CDK12: variants seen among roughly 807,000 people sequenced by gnomAD.
The protein encoded by CDK12 is cyclin-dependent kinase 12.
CDK12 carries 17 observed loss-of-function variants against 133.8 expected under a neutral mutation model. That is an observed-to-expected ratio of 0.13 (90% CI 0.09 to 0.19). The LOEUF is 0.19. Ranked by LOEUF, CDK12 falls within the 10% of genes least tolerant of loss-of-function variation. The pLI is 1.00. For missense variants in CDK12, 1,508 were observed against 1,818.7 expected (o/e 0.83, Z 3.11); for synonymous variants, 694 against 683.6 (o/e 1.02, Z -0.24).
rs147657554 is a variant in CDK12, at chr17:39,532,461, CAA to C, written c.*1154_*1155del. ...ATTGTTTACACATATATTTTTATGTCAAAAAAAAAACAAAAACCTTTCAAACA... is the reference window on the plus strand; with the variant it reads ...ATTGTTTACACATATATTTTTATGTCAAAAAAAACAAAAACCTTTCAAACA... On this transcript the variant is annotated 3_prime_UTR_variant, in exon 14 of 14. Coordinates refer to ENST00000447079, the MANE Select transcript of CDK12 (RefSeq NM_016507.4). 2 of 208,434 alleles carry C rather than the reference CAA, an allele frequency of 9.6e-6. No homozygotes were observed. Among genetic ancestry groups the C allele is most frequent in the Non-Finnish European group, 1.9e-5 (2 of 106,016 alleles). The allele number at this position is 208,434 out of a possible 1,614,324, so 12.9% of individuals were successfully genotyped here.
chr17:39,523,676 C>G (rs2054317239), intron 11 of CDK12, among the ~76,000 whole-genome samples: 1 of 151,994 alleles, frequency 6.6e-6, no homozygotes, highest in Non-Finnish European at 1.5e-5. Flanking sequence ...TTTTTTGAGA[C>G]AGACTCTTGT....
chr17:39,462,751 G>C lies in CDK12; in HGVS notation c.680G>C (p.Trp227Ser). 2 of 1,614,110 alleles carry C rather than the reference G, an allele frequency of 1.2e-6. No homozygotes were observed. Among genetic ancestry groups the C allele is most frequent in the Non-Finnish European group, 1.7e-6 (2 of 1,180,032 alleles). The stretch of plus-strand genomic sequence containing the variant: ...AGATCCAGGAGCCCCCACAGGAAGT[G>C]GTCTGACAGCTCCAAACAAGATGAT... ...KRRSRSPHRK[W>S]SDSSKQDDSP... Residue 227 changes from tryptophan (W) to serine (S), a missense_variant, in exon 1 of 14, where the codon TGG (tryptophan) becomes TCG (serine). Physicochemically the swap from Trp to Ser is radical, Grantham distance 177. Around this residue, in one of 9 missense-constraint regions of CDK12, gnomAD observed 460 missense variants for 490.8 expected, o/e 0.94. Transcript: ENST00000447079.
chr17:39,485,992 G>A (rs1256312631), intron 2 of CDK12, among the ~76,000 whole-genome samples: 4 of 144,442 alleles, frequency 2.8e-5, no homozygotes, highest in African/African-American at 5.1e-5. Context: ...TTGCTCTGTC[G>A]CCCAGGCTGG....
At chr17:39,540,664 C>A (rs1454080856) in intron 1 of CDK12, among the ~76,000 whole-genome samples, 1 of 152,186 alleles carries the variant, frequency 6.6e-6, no homozygotes, top group African/African-American at 2.4e-5. Flanking sequence ...TCTGTCCCTC[C>A]CTAGGGATCA....
exon 1 of CDK12, chr17:39,550,274 T>C (rs577853659): frequency 6.6e-6 from 1 of 152,210 alleles, no homozygotes; most frequent in Non-Finnish European, 1.5e-5. Context: ...CCCAGGCCCA[T>C]CAATCACTGG....
At position 39,531,354 on chromosome 17, in the gene CDK12, T is replaced by G. The variant is rs1437334378; in HGVS notation, c.*38T>G. On this transcript the variant is annotated 3_prime_UTR_variant, in exon 14 of 14. Transcript: ENST00000447079. ...AGTGTCCTGAAAGATTCCTTTCCTA[T>G]CCATCCTTCCATCCAGTTCTCTGAA... 7.2e-7 allele frequency: 1 copy of G among 1,396,298 alleles called. No homozygotes were observed. The highest frequency in any genetic ancestry group is 9.3e-7 in the Non-Finnish European group (1 of 1,070,510). 86.5% of individuals were successfully genotyped at this position (1,396,298 alleles called of 1,614,324 possible). A position where few individuals can be genotyped will look rare whatever the true frequency, so the allele number is the denominator to read the frequency against.
intron 2 of CDK12, among the ~76,000 whole-genome samples, chr17:39,486,766 T>G (rs2051164685): frequency 6.6e-6 from 1 of 152,080 alleles, no homozygotes; most frequent in African/African-American, 2.4e-5. Context: ...CCCAGCACTT[T>G]GGGAGGCTGA....
intron 1 of CDK12, among the ~76,000 whole-genome samples, chr17:39,467,446 T>C (rs2049427754): frequency 1.3e-5 from 2 of 152,218 alleles, no homozygotes; most frequent in South Asian, 4.1e-4. Flanking sequence ...TGCTTATTGC[T>C]GGCTGTGTTT....
chr17:39,472,940 G>T (rs1186414803), intron 2 of CDK12, among the ~76,000 whole-genome samples: 1 of 152,074 alleles, frequency 6.6e-6, no homozygotes. Context: ...GCTGGGCATG[G>T]TGGCAGGCAC....
intron 5 of CDK12, among the ~76,000 whole-genome samples, chr17:39,496,758 C>A (rs531428516): frequency 3.3e-5 from 5 of 151,892 alleles, no homozygotes; most frequent in Non-Finnish European, 7.4e-5. Context: ...CTGCATAAAT[C>A]TTTGCATTAT....
intron 2 of CDK12, among the ~76,000 whole-genome samples, chr17:39,478,578 C>T (rs1422753084): frequency 6.6e-6 from 1 of 152,148 alleles, no homozygotes; most frequent in Admixed American, 6.6e-5. Flanking sequence ...CTGTGGCTCA[C>T]TCCTATAATC....
intron 2 of CDK12, among the ~76,000 whole-genome samples, chr17:39,473,232 A>T (rs12950865): frequency 0.013 from 1,946 of 152,154 alleles, 48 homozygotes; most frequent in African/African-American, 0.045. Flanking sequence ...TCCTGATCCC[A>T]GGGTCCAAAC....
At chr17:39,502,662 T>C (rs1356795979) in intron 6 of CDK12, among the ~76,000 whole-genome samples, 1 of 152,114 alleles carries the variant, frequency 6.6e-6, no homozygotes, top group African/African-American at 2.4e-5. Context: ...TCAGTAAACA[T>C]TTATTAAGGT....
intron 3 of CDK12, among the ~76,000 whole-genome samples, chr17:39,559,989 G>T (rs903579695): frequency 2.0e-5 from 3 of 152,072 alleles, no homozygotes; most frequent in Admixed American, 2.0e-4. Flanking sequence ...GTAAAATGGG[G>T]CCTTGCTATG....
chr17:39,511,242 G>A (rs1423886952), intron 7 of CDK12, among the ~76,000 whole-genome samples: 1 of 144,312 alleles, frequency 6.9e-6, no homozygotes, highest in Non-Finnish European at 1.5e-5. Context: ...AAAAAAATGA[G>A]ATCTTGCTGT....
chr17:39,534,612 G>A (rs1431681687), downstream of CDK12: 3 of 220,030 alleles, frequency 1.4e-5, no homozygotes, highest in African/African-American at 6.7e-5. Flanking sequence ...ATGTATAAAG[G>A]ACGTTTTTCC....
At chr17:39,557,685 T>G (rs1332844356) in intron 3 of CDK12, among the ~76,000 whole-genome samples, 1 of 152,242 alleles carries the variant, frequency 6.6e-6, no homozygotes, top group Non-Finnish European at 1.5e-5. Flanking sequence ...TTTGTTTTTG[T>G]GTCTACCTAA....
At chr17:39,463,343 G>T (rs1366676767) in intron 1 of CDK12, among the ~76,000 whole-genome samples, 5 of 152,180 alleles carry the variant, frequency 3.3e-5, no homozygotes, top group Non-Finnish European at 7.3e-5. Context: ...TCCAGTGGTG[G>T]GGTCTTCAGT....
chr17:39,534,852 C>T (rs907894270), downstream of CDK12: 1 of 154,600 alleles, frequency 6.5e-6, no homozygotes, highest in Non-Finnish European at 1.4e-5. Context: ...ACCCTGACTC[C>T]TCCTGACAGG....
Sources: allele counts gnomAD v4.1 joint callset (sites outside exome capture counted in the v4.1 genomes callset), GRCh38; gene constraint gnomAD v4.1.1; regional missense constraint gnomAD v4.1.1; transcripts MANE v1.5; gene names NCBI Gene and HGNC (gene_info 2026-07-23, HGNC 2026-07-21).